Variants in ADAMTS18 observed in about 807,000 individuals in gnomAD.
ADAMTS18 encodes ADAM metallopeptidase with thrombospondin type 1 motif 18, also known as A disintegrin and metalloproteinase with thrombospondin motifs 18.
ADAMTS18 carries 157 observed loss-of-function variants against 165.9 expected under a neutral mutation model. The ratio of observed to expected loss-of-function variants is 0.95; its 90% CI spans 0.83 to 1.08. The LOEUF (loss-of-function observed/expected upper bound fraction) is 1.08, where lower values mean the gene tolerates loss of function less well. Among genes scored for constraint, ADAMTS18 ranks in the 50% least tolerant of loss-of-function variants. The pLI is 0.00. For synonymous variants in ADAMTS18, 782 were observed against 578.2 expected, an observed-to-expected ratio of 1.35 and a Z score of -5.06; for missense variants, 2,040 against 1,534.0, an observed-to-expected ratio of 1.33 and a Z score of -5.51.
intron 3 of ADAMTS18, among the ~76,000 whole-genome samples, chr16:77,430,610 C>G (rs1252080493): frequency 1.3e-5 from 2 of 152,168 alleles, no homozygotes; most frequent in African/African-American, 4.8e-5. Context: ...CAACATTTAC[C>G]GCCTCGTATA....
chr16:77,404,502 C>T (rs2057370397), intron 3 of ADAMTS18, among the ~76,000 whole-genome samples: 1 of 152,036 alleles, frequency 6.6e-6, no homozygotes, highest in Admixed American at 6.6e-5. Flanking sequence ...GAAAGGAAAT[C>T]TTAGAAAATT....
Position 77,431,370 on chromosome 16 carries a change from C to T in ADAMTS18, c.420G>A (p.Val140=). The T allele has an allele frequency of 6.2e-7, 1 of 1,614,106 alleles. No homozygotes were observed. Among genetic ancestry groups the T allele is most frequent in the South Asian group, 1.1e-5 (1 of 91,084 alleles). The change falls in exon 3 of 23, where the codon GTG becomes GTA. Residue 140 remains valine (V), a synonymous_variant. Coordinates refer to ENST00000282849, the MANE Select transcript of ADAMTS18 (RefSeq NM_199355.4). ...DGASETQKPE[V]QQCFYQGFIR... The stretch of plus-strand genomic sequence containing the variant: ...TAAATCCCTGATAGAAGCATTGCTG[C>T]ACCTCGGGTTTCTGAGTCTCTGAAG...
At chr16:77,340,331 C>T (rs572410391) in intron 11 of ADAMTS18, among the ~76,000 whole-genome samples, 5 of 152,204 alleles carry the variant, frequency 3.3e-5, no homozygotes, top group Admixed American at 1.3e-4. Flanking sequence ...TGTGCCACCA[C>T]GCCCAGCAAA....
chr16:77,321,253 G>C (rs767939649), intron 14 of ADAMTS18, 51 bp from the exon 15 acceptor site: 2 of 1,610,922 alleles, frequency 1.2e-6, no homozygotes, highest in Non-Finnish European at 1.7e-6. Flanking sequence ...AGAAGCCAGA[G>C]GCTGGGAATA....
intron 12 of ADAMTS18, among the ~76,000 whole-genome samples, chr16:77,335,248 G>T (rs1301703190): frequency 6.8e-6 from 1 of 147,700 alleles, no homozygotes; most frequent in African/African-American, 2.5e-5. Flanking sequence ...GACAAATATT[G>T]TATCTTCTCC....
chr16:77,434,150 T>TC (rs373723733), intron 2 of ADAMTS18, among the ~76,000 whole-genome samples: 2,464 of 42,966 alleles, frequency 0.057, 81 homozygotes, highest in African/African-American at 0.12. Flanking sequence ...GCAGTTAGGA[T>TC]TTTTTTTTTT....
chr16:77,369,121 C>G (rs908985600), intron 3 of ADAMTS18, among the ~76,000 whole-genome samples: 136 of 152,310 alleles, frequency 8.9e-4, no homozygotes, highest in African/African-American at 3.1e-3. Flanking sequence ...TCACCCCAAA[C>G]CTGCTGGATC....
intron 18 of ADAMTS18, among the ~76,000 whole-genome samples, chr16:77,295,426 A>T (rs1597088077): frequency 6.6e-6 from 1 of 152,320 alleles, no homozygotes; most frequent in East Asian, 1.9e-4. Context: ...TTGGGATTTT[A>T]ACTATGTGTC....
intron 22 of ADAMTS18, among the ~76,000 whole-genome samples, chr16:77,284,767 ATTG>A (rs2055216084): frequency 6.6e-6 from 1 of 152,124 alleles, no homozygotes; most frequent in Non-Finnish European, 1.5e-5. Flanking sequence ...CCCTAAGGAT[ATTG>A]TTGTACCACT....
rs770139172 is a variant in ADAMTS18 at position 77,355,856 on chromosome 16, C to G, written c.1460+84G>C. 2.0e-6 allele frequency: 3 copies of G among 1,517,136 alleles called. No homozygotes were observed. In the African/African-American group the frequency reaches 4.1e-5, roughly 21 times the overall value. The allele number at this position is 1,517,136 out of a possible 1,614,324, so 94.0% of individuals were successfully genotyped here. The stretch of plus-strand genomic sequence containing the variant: ...ATTGACAGGTCAAAAGGTATTTCCA[C>G]TGAGTATTCGTTTGCAGGTCTATGG... On this transcript the variant is annotated intron_variant, in intron 9 of 22. Coordinates refer to ENST00000282849, the MANE Select transcript of ADAMTS18 (RefSeq NM_199355.4).
chr16:77,298,969 C>T (rs1010067025), intron 17 of ADAMTS18, among the ~76,000 whole-genome samples: 7 of 152,358 alleles, frequency 4.6e-5, no homozygotes, highest in Admixed American at 4.6e-4. Flanking sequence ...GCTTCCTCTG[C>T]ATCCTCCTCT....
intron 2 of ADAMTS18, among the ~76,000 whole-genome samples, chr16:77,432,016 A>G (rs922838055): frequency 6.6e-6 from 1 of 152,202 alleles, no homozygotes; most frequent in African/African-American, 2.4e-5. Context: ...TAAAACTACA[A>G]AATCGGGAAA....
At chr16:77,380,491 G>T (rs546380557) in intron 3 of ADAMTS18, among the ~76,000 whole-genome samples, 2 of 152,288 alleles carry the variant, frequency 1.3e-5, no homozygotes, top group South Asian at 4.1e-4. Flanking sequence ...TCCAAGTTAT[G>T]CCTGTGCCCA....
At position 77,356,007 on chromosome 16, in the gene ADAMTS18, G is replaced by C. The variant is rs2056624823; in HGVS notation, c.1393C>G (p.Leu465Val). 1.2e-6 allele frequency: 2 copies of C among 1,614,104 alleles called. No homozygotes were observed. Among genetic ancestry groups the C allele is most frequent in the Non-Finnish European group, 1.7e-6 (2 of 1,179,980 alleles). ...KAEGNIMSPTLTGNNGVFSWS... is the reference protein window; with the variant it reads ...KAEGNIMSPTVTGNNGVFSWS... The stretch of plus-strand genomic sequence containing the variant: ...GAAAACACTCCATTGTTTCCGGTCA[G>C]TGTGGGAGACATGATATTGCCTTCA... The change falls in exon 9 of 23, where the codon CTG (leucine) becomes GTG (valine). Residue 465 changes from leucine to valine, a missense_variant. Coordinates refer to ENST00000282849, the MANE Select transcript of ADAMTS18 (RefSeq NM_199355.4).
chr16:77,370,794 T>C (rs1205850128), intron 3 of ADAMTS18, among the ~76,000 whole-genome samples: 1 of 150,766 alleles, frequency 6.6e-6, no homozygotes, highest in Non-Finnish European at 1.5e-5. Context: ...AGCTACGATA[T>C]ATATATATAT....
chr16:77,294,173 G>C lies in ADAMTS18; in HGVS notation c.3006+750C>G, dbSNP rs573889733. ...CTTCCCCATAATTTGTTTGCCAGCA[G>C]TGATTGAGCAGTGGTTGAGCTATCA... On this transcript the variant is annotated intron_variant, in intron 19 of 22. Transcript: ENST00000282849. 5.4e-4 allele frequency among the ~76,000 whole-genome samples: 82 copies of C among 152,270 alleles called. No individual in the cohort carries two copies. The South Asian group carries it at 0.017, about 31-fold the overall frequency.
At chr16:77,379,104 T>C (rs1383044021) in intron 3 of ADAMTS18, 1 of 152,248 alleles carries the variant, frequency 6.6e-6, no homozygotes, top group African/African-American at 2.4e-5. Context: ...GTTTTAGTTT[T>C]GACTGGTTGG....
At chr16:77,313,038 C>G (rs978032771) in intron 16 of ADAMTS18, among the ~76,000 whole-genome samples, 14 of 152,270 alleles carry the variant, frequency 9.2e-5, no homozygotes, top group African/African-American at 3.1e-4. Flanking sequence ...AGACTCGGAA[C>G]CAACCCAAAT....
intron 13 of ADAMTS18, among the ~76,000 whole-genome samples, chr16:77,325,231 G>T (rs2056072155): frequency 6.6e-6 from 1 of 152,150 alleles, no homozygotes; most frequent in Non-Finnish European, 1.5e-5. Context: ...AAACAACTAG[G>T]ATGATGACAG....
Sources: gnomAD v4.1 joint callset for allele counts (sites outside exome capture counted in the v4.1 genomes callset) on GRCh38, gnomAD v4.1.1 for gene constraint, MANE v1.5 for transcripts, NCBI Gene and HGNC (gene_info 2026-07-23, HGNC 2026-07-21) for gene names.